Variants in OLFML2A observed in about 807,000 individuals in gnomAD.
OLFML2A encodes olfactomedin like 2A, also known as olfactomedin-like protein 2A.
A neutral mutation model predicts 60.9 loss-of-function variants in OLFML2A; 47 were observed. The ratio of observed to expected loss-of-function variants is 0.77; its 90% CI spans 0.61 to 0.98. The LOEUF (loss-of-function observed/expected upper bound fraction) is 0.98, where lower values mean the gene tolerates loss of function less well. OLFML2A is among the 50% of genes least tolerant of loss of function. OLFML2A has a pLI of 0.00. For synonymous variants in OLFML2A, 372 were observed against 375.0 expected (o/e 0.99, Z 0.09); for missense variants, 922 against 879.8 (o/e 1.05, Z -0.61).
intron 3 of OLFML2A, 152 bp downstream of exon 3, chr9:124,795,283 A>G: frequency 1.8e-6 from 1 of 569,420 alleles, no homozygotes. Flanking sequence ...TGCAGGCCAC[A>G]GGGTCCAGCC....
At chr9:124,791,336 A>T (rs1469785886) in intron 2 of OLFML2A, among the ~76,000 whole-genome samples, 2 of 152,250 alleles carry the variant, frequency 1.3e-5, no homozygotes, top group Non-Finnish European at 2.9e-5. Flanking sequence ...CCTCTAGCAC[A>T]GCGCTTCTCA....
rs1842084433 is a variant in OLFML2A at position 124,814,809 on chromosome 9, G to A, written c.*4397G>A. On this transcript the variant is annotated 3_prime_UTR_variant, in exon 8 of 8. Coordinates refer to ENST00000373580, the MANE Select transcript of OLFML2A (RefSeq NM_182487.4). ...ATGCTATTGTACTTTATTTTTGTAA[G>A]TTGCTGAGATATCTGTTTTGCAACA... 1 of 152,012 alleles carries A rather than the reference G, an allele frequency of 6.6e-6. No homozygotes were observed. The highest frequency in any genetic ancestry group is 2.4e-5 in the African/African-American group (1 of 41,364). 9.4% of individuals were successfully genotyped at this position (152,012 alleles called of 1,614,324 possible).
chr9:124,810,462 G>A lies in OLFML2A; in HGVS notation c.*50G>A, dbSNP rs1409169535. 1.3e-6 allele frequency: 2 copies of A among 1,521,870 alleles called. No individual in the cohort carries two copies. The highest frequency in any genetic ancestry group is 2.0e-5 in the Admixed American group (1 of 51,086). 94.3% of individuals were successfully genotyped at this position (1,521,870 alleles called of 1,614,324 possible). On this transcript the variant is annotated 3_prime_UTR_variant, in exon 8 of 8. Coordinates refer to ENST00000373580, the MANE Select transcript of OLFML2A (RefSeq NM_182487.4). The stretch of plus-strand genomic sequence containing the variant: ...GGGGCAGCAGTGCGGGAGGGGCTTT[G>A]CACAGCAGCTCCTGCAACTGACCCA...
chr9:124,813,143 T>A lies in OLFML2A; in HGVS notation c.*2731T>A, dbSNP rs1842053181. 1 of 152,104 alleles carries A rather than the reference T, an allele frequency of 6.6e-6. No individual in the cohort carries two copies. Among genetic ancestry groups the A allele is most frequent in the Non-Finnish European group, 1.5e-5 (1 of 68,042 alleles). The allele number at this position is 152,104 out of a possible 1,614,324, so 9.4% of individuals were successfully genotyped here. ...ATTGTATTTTTAGTAGAGACAGGATTTCACCATGTTGGCCAGGCCAGTCTC... is the reference window on the plus strand; with the variant it reads ...ATTGTATTTTTAGTAGAGACAGGATATCACCATGTTGGCCAGGCCAGTCTC... On this transcript the variant is annotated 3_prime_UTR_variant, in exon 8 of 8. Transcript: ENST00000373580.
At chr9:124,793,948 A>G (rs1667448847) in intron 2 of OLFML2A, among the ~76,000 whole-genome samples, 1 of 152,200 alleles carries the variant, frequency 6.6e-6, no homozygotes, top group Non-Finnish European at 1.5e-5. Context: ...CTGAGGTGGG[A>G]GGATTGCTTG....
chr9:124,799,267 A>G lies in OLFML2A; in HGVS notation c.463-18A>G, dbSNP rs1187239940. ...GAAGCTGGCCCAGGAAAGACCTCCA[A>G]TCCTGCCCCCTCCGCAGAGCATCAA... On this transcript the variant is annotated intron_variant, in intron 3 of 7. Transcript: ENST00000373580. The G allele has an allele frequency of 2.5e-6, 4 of 1,575,134 alleles. No individual in the cohort carries two copies. The highest frequency in any genetic ancestry group is 3.5e-6 in the Non-Finnish European group (4 of 1,145,964).
Position 124,807,951 on chromosome 9 carries a change from G to C in OLFML2A, c.1339G>C (p.Glu447Gln). The change falls in exon 7 of 8, where the codon GAA becomes CAA. Residue 447 changes from glutamate to glutamine, a missense_variant. Physicochemically the swap from Glu to Gln is conservative, Grantham distance 29. Coordinates refer to ENST00000373580, the MANE Select transcript of OLFML2A (RefSeq NM_182487.4). ...CAGCCTGGTGGAGTTCCGCAACCTG[G>C]AAAACTTCAAGCAAGGTCAGGGACC... is the stretch of plus-strand genomic sequence containing the variant. ...GNSLVEFRNL[E>Q]NFKQGRWSNM... is the part of the protein sequence containing the mutation. The C allele has an allele frequency of 6.2e-7, 1 of 1,614,024 alleles. No individual in the cohort carries two copies. Among genetic ancestry groups the C allele is most frequent in the Non-Finnish European group, 8.5e-7 (1 of 1,179,892 alleles).
intron 7 of OLFML2A, among the ~76,000 whole-genome samples, 157 bp downstream of exon 7, chr9:124,808,123 G>A: frequency 6.6e-6 from 1 of 152,228 alleles, no homozygotes; most frequent in East Asian, 1.9e-4. Flanking sequence ...TCTGGGCTGA[G>A]GGCACTGGGC....
At chr9:124,789,353 G>T (rs2131252328) in intron 2 of OLFML2A, among the ~76,000 whole-genome samples, 1 of 152,322 alleles carries the variant, frequency 6.6e-6, no homozygotes, top group Admixed American at 6.5e-5. Flanking sequence ...AAGTTAGCCT[G>T]CCAGTTTCAT....
intron 1 of OLFML2A, among the ~76,000 whole-genome samples, chr9:124,784,257 G>C (rs1364153155): frequency 2.0e-5 from 3 of 151,558 alleles, no homozygotes; most frequent in African/African-American, 7.3e-5. Context: ...AGGCTGGAGT[G>C]AAGTGGCACG....
At position 124,788,346 on chromosome 9, in the gene OLFML2A, G is replaced by A. The variant is rs187200804; in HGVS notation, c.354+1108G>A. On this transcript the variant is annotated intron_variant, in intron 2 of 7. Transcript: ENST00000373580. ...ACCCAGGCCGGGTGCAGTGGCTCAT[G>A]CCTGTAATCCCAGCACTTTGGGAGA... Among the ~76,000 whole-genome samples, 90 of 151,822 alleles carry A rather than the reference G, an allele frequency of 5.9e-4. No homozygotes were observed. The East Asian group carries it at 0.015, about 26-fold the overall frequency.
chr9:124,805,808 GTTTTTTTTTTTTTT>G lies in OLFML2A; in HGVS notation c.1168+1478_1168+1491del, dbSNP rs59555267. Among the ~76,000 whole-genome samples, 46 of 71,270 alleles carry G rather than the reference GTTTTTTTTTTTTTT, an allele frequency of 6.5e-4. 1 individual carries two copies. In the Admixed American group the frequency reaches 8.9e-3, roughly 14 times the overall value. The allele number at this position is 71,270 out of a possible 152,430, so 46.8% of individuals were successfully genotyped here. A position where few individuals can be genotyped will look rare whatever the true frequency, so the allele number is the denominator to read the frequency against. ...TGTTGTTGTTGTTTTGGTTTTTTTG[GTTTTTTTTTTTTTT>G]TTTTTTTTTTTGAGACGGAGTCTGA... On this transcript the variant is annotated intron_variant, in intron 6 of 7. Coordinates refer to ENST00000373580, the MANE Select transcript of OLFML2A (RefSeq NM_182487.4).
intron 2 of OLFML2A, among the ~76,000 whole-genome samples, 166 bp downstream of exon 2, chr9:124,787,404 A>G (rs1841496607): frequency 6.6e-6 from 1 of 152,204 alleles, no homozygotes; most frequent in African/African-American, 2.4e-5. Flanking sequence ...CTTGCCAGGA[A>G]GTGACAAAGG....
At chr9:124,802,459 G>A (rs534979683) in intron 5 of OLFML2A, among the ~76,000 whole-genome samples, 1 of 152,362 alleles carries the variant, frequency 6.6e-6, no homozygotes, top group African/African-American at 2.4e-5. Context: ...CAGGGACCAG[G>A]CTCCTTTGAG....
At chr9:124,793,646 G>T (rs1244458899) in intron 2 of OLFML2A, among the ~76,000 whole-genome samples, 1 of 152,210 alleles carries the variant, frequency 6.6e-6, no homozygotes, top group Admixed American at 6.5e-5. Flanking sequence ...TAAAATGAGG[G>T]TGAAAGTTGT....
intron 2 of OLFML2A, 82 bp downstream of exon 2, chr9:124,787,320 C>G: frequency 1.5e-6 from 2 of 1,336,546 alleles, no homozygotes; most frequent in Non-Finnish European, 1.1e-6. Flanking sequence ...ATTCCACACA[C>G]TCTGTGAGGC....
At chr9:124,800,119 T>C (rs1364021594) in intron 4 of OLFML2A, among the ~76,000 whole-genome samples, 1 of 152,256 alleles carries the variant, frequency 6.6e-6, no homozygotes, top group Non-Finnish European at 1.5e-5. Context: ...ACTGTGAAGC[T>C]GGTTCTCCCT....
intron 5 of OLFML2A, among the ~76,000 whole-genome samples, chr9:124,803,363 A>T (rs1841820618): frequency 6.6e-6 from 1 of 152,118 alleles, no homozygotes; most frequent in African/African-American, 2.4e-5. Flanking sequence ...CCTGGGCTCA[A>T]GTGATCTTCC....
chr9:124,795,615 C>A (rs1305018528), intron 3 of OLFML2A, among the ~76,000 whole-genome samples: 2 of 152,164 alleles, frequency 1.3e-5, no homozygotes, highest in Admixed American at 6.5e-5. Flanking sequence ...CCCATCTCTA[C>A]TAAAAATACA....
Sources: gnomAD v4.1 joint callset for allele counts (sites outside exome capture counted in the v4.1 genomes callset) on GRCh38, gnomAD v4.1.1 for gene constraint, MANE v1.5 for transcripts, NCBI Gene and HGNC (gene_info 2026-07-23, HGNC 2026-07-21) for gene names.